Variants in TASOR2 observed in about 807,000 individuals in gnomAD.
TASOR2 encodes the protein protein TASOR 2.
In TASOR2, 84 loss-of-function variants were observed where a neutral mutation model predicts 199.5. The ratio of observed to expected loss-of-function variants is 0.42; its 90% CI spans 0.35 to 0.50. TASOR2 has a LOEUF of 0.50. TASOR2 is among the 20% of genes least tolerant of loss of function. The probability of loss-of-function intolerance (pLI) is 0.02; values close to 1 mark genes in which losing one functional copy is unlikely to be tolerated. For missense variants in TASOR2, 2,796 were observed against 2,835.9 expected (o/e 0.99, Z 0.32); for synonymous variants, 1,103 against 1,046.6 (o/e 1.05, Z -1.04).
chr10:5,731,244 T>C, intron 11 of TASOR2, 41 bp downstream of exon 12: 4 of 1,562,752 alleles, frequency 2.6e-6, no homozygotes, highest in Non-Finnish European at 3.5e-6. Context: ...TAATAATAGT[T>C]GTGGCCAGGC....
intron 15 of TASOR2, among the ~76,000 whole-genome samples, chr10:5,753,771 T>C (rs1490454352): frequency 6.6e-6 from 1 of 152,210 alleles, no homozygotes; most frequent in Non-Finnish European, 1.5e-5. Flanking sequence ...GTTGAAAAGT[T>C]ATTGAATGGT....
Position 5,722,837 on chromosome 10 carries a change from G to A in TASOR2, c.147-840G>A, listed in dbSNP as rs1188619973. On this transcript the variant is annotated intron_variant, in intron 6 of 20. Coordinates refer to ENST00000328090, the Ensembl canonical transcript of TASOR2. This position sits in a 1 kb window ranked among gnomAD's most constrained non-coding sequence, Gnocchi z 4.0. ...AGCCTGGCCAATACGGTGAAACGCT[G>A]TCTCCACTGAAAATACAAAAATTAG... is the stretch of plus-strand genomic sequence containing the variant. 1.3e-5 allele frequency among the ~76,000 whole-genome samples: 2 copies of A among 151,738 alleles called. No homozygotes were observed. The highest frequency in any genetic ancestry group is 2.9e-5 in the Non-Finnish European group (2 of 67,950).
In TASOR2 at chr10:5,685,541, A is replaced by G. The variant is rs368669375; in HGVS notation, c.-288+366A>G. ...TCTTCGGGTTTGCACCGGCTGGGAA[A>G]TCATTTCCTGCGGGTTCTGCGTGAA... On this transcript the variant is annotated intron_variant, in intron 1 of 20. Coordinates refer to ENST00000328090, the Ensembl canonical transcript of TASOR2. The surrounding 1 kb of genome is among the most constrained non-coding windows in gnomAD (Gnocchi z 5.4). Among the ~76,000 whole-genome samples the G allele has an allele frequency of 2.6e-5, 4 of 152,090 alleles. No homozygotes were observed. The East Asian group carries it at 5.8e-4, about 22-fold the overall frequency.
exon 15 of TASOR2, chr10:5,747,536 C>G: frequency 1.9e-6 from 3 of 1,614,096 alleles, no homozygotes; most frequent in Non-Finnish European, 2.5e-6. Context: ...TTAATACTTT[C>G]TAAAGAAAAT....
chr10:5,709,135 T>C (rs569092403), intron 1 of TASOR2, among the ~76,000 whole-genome samples: 2 of 152,228 alleles, frequency 1.3e-5, no homozygotes, highest in African/African-American at 2.4e-5. Flanking sequence ...TTAATGAATA[T>C]ATATACAACT....
At chr10:5,700,171 A>G (rs1245242252) in intron 1 of TASOR2, among the ~76,000 whole-genome samples, 1 of 152,064 alleles carries the variant, frequency 6.6e-6, no homozygotes, top group Non-Finnish European at 1.5e-5. Flanking sequence ...GCTTCCACAT[A>G]TGAGTGAGAG....
rs749506664 is a variant in TASOR2 at position 5,746,354 on chromosome 10, C to T, written c.2933C>T (p.Thr978Ile). The stretch of plus-strand genomic sequence containing the variant: ...GGCACTGTTACTCAAGCCACATTCA[C>T]CAGGACTTACGATGGGCCTGGCAGT... The change falls in exon 15 of 21, where the codon ACC becomes ATC. Residue 978 changes from threonine to isoleucine, a missense_variant. By Grantham distance (89) the Thr-to-Ile change is moderately conservative. This residue lies in a region of TASOR2 where 1,941 missense variants were observed against 1,924.9 expected (regional missense o/e 1.01). Coordinates refer to ENST00000328090, the Ensembl canonical transcript of TASOR2. The T allele has an allele frequency of 2.5e-6, 4 of 1,614,130 alleles. No individual in the cohort carries two copies. In the Admixed American group the frequency reaches 6.7e-5, roughly 27 times the overall value.
At chr10:5,757,485 C>A in intron 16 of TASOR2, 35 bp from the exon 18 acceptor site, 1 of 1,522,660 alleles carries the variant, frequency 6.6e-7, no homozygotes, top group Non-Finnish European at 8.9e-7. Context: ...GCCCAGTGAG[C>A]CTCTCTTCAC....
chr10:5,730,136 C>T lies in TASOR2; in HGVS notation c.488-351C>T, dbSNP rs1049203635. Among the ~76,000 whole-genome samples, 2 of 152,130 alleles carry T rather than the reference C, an allele frequency of 1.3e-5. No homozygotes were observed. The highest frequency in any genetic ancestry group is 4.1e-4 in the South Asian group (2 of 4,826). ...AGAAAAAGTACGAAAGCAAATCTGC[C>T]AGCTCTAAAGACCAGTGGTACTGCT... On this transcript the variant is annotated intron_variant, in intron 10 of 20. Transcript: ENST00000328090. The surrounding 1 kb of genome is among the most constrained non-coding windows in gnomAD (Gnocchi z 4.1).
intron 12 of TASOR2, among the ~76,000 whole-genome samples, chr10:5,736,293 CTG>C (rs1236165745): frequency 2.6e-5 from 4 of 152,226 alleles, no homozygotes; most frequent in Middle Eastern, 3.4e-3. Context: ...TGGCACATGC[CTG>C]TAATCCCAGC....
At position 5,741,828 on chromosome 10, in the gene TASOR2, G is replaced by C. The variant is rs141199733; in HGVS notation, c.2328-269G>C. ...AAAAGACACGTGCTACCCATGTTCA[G>C]ATCATGGTTCTGCCATACAGGTTTT... On this transcript the variant is annotated intron_variant, in intron 13 of 20. Transcript: ENST00000328090. Among the ~76,000 whole-genome samples, 188 of 152,318 alleles carry C rather than the reference G, an allele frequency of 1.2e-3. 3 individuals are homozygous for C. The East Asian group carries it at 0.026, about 21-fold the overall frequency.
rs1169532895 is a variant in TASOR2 at position 5,740,422 on chromosome 10, C to T, written c.2252C>T (p.Thr751Ile). The T allele has an allele frequency of 6.2e-7, 1 of 1,614,030 alleles. No individual in the cohort carries two copies. Among genetic ancestry groups the T allele is most frequent in the Non-Finnish European group, 8.5e-7 (1 of 1,180,044 alleles). ...GTTAAGATCACTTTCAAATGTGAAACAGAATATGCATTCAGTTTAGACAGC... is the reference window on the plus strand; with the variant it reads ...GTTAAGATCACTTTCAAATGTGAAATAGAATATGCATTCAGTTTAGACAGC... Residue 751 changes from threonine (T) to isoleucine (I), a missense_variant, in exon 13 of 21, where the codon ACA becomes ATA. This residue lies in a region of TASOR2 where 847 missense variants were observed against 887.4 expected (regional missense o/e 0.95). Coordinates refer to ENST00000328090, the Ensembl canonical transcript of TASOR2. This position sits in a 1 kb window ranked among gnomAD's most constrained non-coding sequence, Gnocchi z 5.3.
At chr10:5,744,653 C>T (rs1023067427) in intron 14 of TASOR2, among the ~76,000 whole-genome samples, 4 of 152,058 alleles carry the variant, frequency 2.6e-5, no homozygotes, top group Non-Finnish European at 5.9e-5. Context: ...GACAGAGTCT[C>T]GTGAGCCACT....
intron 3 of TASOR2, among the ~76,000 whole-genome samples, chr10:5,718,592 A>G (rs1204239766): frequency 6.6e-6 from 1 of 151,916 alleles, no homozygotes; most frequent in Non-Finnish European, 1.5e-5. Context: ...CACTTTTTAT[A>G]CTAAAAGTAT....
intron 2 of TASOR2, among the ~76,000 whole-genome samples, chr10:5,716,602 C>T (rs1009346365): frequency 6.6e-6 from 1 of 151,996 alleles, no homozygotes; most frequent in African/African-American, 2.4e-5. Context: ...TACCTACCAC[C>T]GAAGTTTAGC....
At chr10:5,763,317 CATGTT>C in exon 21 of TASOR2, 2 of 326,134 alleles carry the variant, frequency 6.1e-6, no homozygotes, top group Non-Finnish European at 1.1e-5. Context: ...AATAATTTTA[CATGTT>C]TACTTAGTTG....
intron 1 of TASOR2, among the ~76,000 whole-genome samples, chr10:5,696,885 T>C (rs12414547): frequency 0.019 from 2,895 of 152,218 alleles, 42 homozygotes; most frequent in Admixed American, 0.06. Flanking sequence ...AAAAAACTGC[T>C]GCGACAGAAG....
intron 11 of TASOR2, among the ~76,000 whole-genome samples, chr10:5,732,098 A>G (rs1023672389): frequency 2.0e-5 from 3 of 152,276 alleles, no homozygotes; most frequent in Non-Finnish European, 4.4e-5. Context: ...GATGTATTTC[A>G]GTGAACATAG....
At chr10:5,724,621 TTATATATATA>T in intron 8 of TASOR2, 88 bp downstream of exon 9, 3 of 187,012 alleles carry the variant, frequency 1.6e-5, no homozygotes, top group Non-Finnish European at 3.3e-5. Context: ...TATATATATA[TTATATATATA>T]TATAGATAGA....
Sources: gnomAD v4.1 joint callset for allele counts (sites outside exome capture counted in the v4.1 genomes callset) on GRCh38, gnomAD v4.1.1 for gene constraint, gnomAD v4.1.1 regional missense constraint, Gnocchi (gnomAD v3.1) non-coding constraint, MANE v1.5 for transcripts, NCBI Gene and HGNC (gene_info 2026-07-23, HGNC 2026-07-21) for gene names.